Variants in PTPRA observed in about 807,000 individuals in gnomAD.
The protein encoded by PTPRA is protein tyrosine phosphatase receptor type A, also known as receptor-type tyrosine-protein phosphatase alpha.
PTPRA carries 25 observed loss-of-function variants against 104.8 expected under a neutral mutation model. The ratio of observed to expected loss-of-function variants is 0.24; its 90% CI spans 0.17 to 0.33. The LOEUF is 0.33. Ranked by LOEUF, PTPRA falls within the 10% of genes least tolerant of loss-of-function variation. The pLI, the probability that PTPRA is intolerant of heterozygous loss-of-function variation, is 1.00. For missense variants in PTPRA, 765 were observed against 1,015.3 expected (o/e 0.75, Z 3.35); for synonymous variants, 323 against 368.9 (o/e 0.88, Z 1.43).
chr20:3,018,765 C>T (rs1466684569), intron 13 of PTPRA, among the ~76,000 whole-genome samples: 1 of 144,770 alleles, frequency 6.9e-6, no homozygotes, highest in African/African-American at 2.8e-5. Flanking sequence ...GGGTGGTGGC[C>T]GGGCAGAGGG....
rs1444605045 is a variant in PTPRA at position 3,022,480 on chromosome 20, A to G, written c.1329-209A>G. 6.6e-6 allele frequency among the ~76,000 whole-genome samples: 1 copy of G among 152,202 alleles called. No individual in the cohort carries two copies. Among genetic ancestry groups the G allele is most frequent in the East Asian group, 1.9e-4 (1 of 5,198 alleles). ...CAAAAGACTGGGTCAAGTGCTGGCC[A>G]TGTATTTTTGCAGCCTTCGGACCCT... On this transcript the variant is annotated intron_variant, in intron 15 of 23. Coordinates refer to ENST00000399903, the MANE Select transcript of PTPRA (RefSeq NM_001385305.1). This position sits in a 1 kb window ranked among gnomAD's most constrained non-coding sequence, Gnocchi z 4.6.
chr20:3,027,239 G>A lies in PTPRA; in HGVS notation c.1785+42G>A, dbSNP rs185018035. ...ACCCCTGAGCCCCCAACACCCCGTG[G>A]AGATTCAGCCAGCACTTGCAGTGCC... On this transcript the variant is annotated intron_variant, in intron 19 of 23. Transcript: ENST00000399903. 866 of 1,583,214 alleles carry A rather than the reference G, an allele frequency of 5.5e-4. 4 individuals carry two copies. The African/African-American group carries it at 9.7e-3, about 18-fold the overall frequency.
chr20:3,025,612 G>A (rs946118567), intron 17 of PTPRA, among the ~76,000 whole-genome samples: 1 of 152,002 alleles, frequency 6.6e-6, no homozygotes, highest in South Asian at 2.1e-4. Flanking sequence ...GCTAATGCCT[G>A]TAATCCCAGC....
chr20:3,000,243 GC>G (rs1049432230), intron 9 of PTPRA, among the ~76,000 whole-genome samples: 56 of 152,212 alleles, frequency 3.7e-4, no homozygotes, highest in African/African-American at 1.1e-3. Flanking sequence ...AGCCAAGATT[GC>G]GCCACTGCAC....
At chr20:2,970,103 G>C (rs1331071562) in intron 5 of PTPRA, among the ~76,000 whole-genome samples, 1 of 151,794 alleles carries the variant, frequency 6.6e-6, no homozygotes, top group Non-Finnish European at 1.5e-5. Flanking sequence ...TATCATACTT[G>C]CTCTTTGTTT....
At chr20:3,015,324 A>T (rs1483346790) in intron 11 of PTPRA, among the ~76,000 whole-genome samples, 6 of 124,588 alleles carry the variant, frequency 4.8e-5, no homozygotes, top group Admixed American at 3.9e-4. Context: ...TTTTTTGGAG[A>T]TGGAGTCTTG....
At chr20:2,931,226 G>C (rs2060492030) in intron 2 of PTPRA, among the ~76,000 whole-genome samples, 1 of 152,126 alleles carries the variant, frequency 6.6e-6, no homozygotes, top group South Asian at 2.1e-4. Flanking sequence ...TGTAACACTG[G>C]GTGTGAGGTG....
At chr20:2,878,841 T>C (rs1480912303) in intron 1 of PTPRA, among the ~76,000 whole-genome samples, 2 of 152,248 alleles carry the variant, frequency 1.3e-5, no homozygotes, top group Non-Finnish European at 2.9e-5. Context: ...CTGATTTAGA[T>C]TTTTTGAAAG....
intron 1 of PTPRA, among the ~76,000 whole-genome samples, chr20:2,894,608 A>ATT (rs11479678): frequency 9.5e-5 from 14 of 148,026 alleles, no homozygotes; most frequent in Admixed American, 2.0e-4. Flanking sequence ...GTGCTGGCCA[A>ATT]TTTTTTTTTT....
chr20:3,006,995 T>G (rs1003979273), intron 10 of PTPRA, among the ~76,000 whole-genome samples: 9 of 152,194 alleles, frequency 5.9e-5, no homozygotes, highest in Admixed American at 5.9e-4. Context: ...GGTGTGGGTA[T>G]GTGTATATAT....
chr20:2,989,215 A>C (rs2063038848), intron 9 of PTPRA, among the ~76,000 whole-genome samples: 1 of 152,126 alleles, frequency 6.6e-6, no homozygotes, highest in Non-Finnish European at 1.5e-5. Flanking sequence ...CGGGCACATC[A>C]CGAGGTCAAG....
chr20:2,973,429 C>T (rs754123885), intron 5 of PTPRA, among the ~76,000 whole-genome samples: 3 of 152,128 alleles, frequency 2.0e-5, no homozygotes, highest in Non-Finnish European at 4.4e-5. Flanking sequence ...TATTAGGATG[C>T]GCTATAAGCT....
At chr20:2,912,418 G>A (rs1228166251) in intron 1 of PTPRA, among the ~76,000 whole-genome samples, 1 of 152,118 alleles carries the variant, frequency 6.6e-6, no homozygotes, top group African/African-American at 2.4e-5. Context: ...GAGCTCAGGA[G>A]TTCAAGACCA....
At chr20:2,932,491 A>C (rs778671556) in intron 2 of PTPRA, among the ~76,000 whole-genome samples, 3 of 152,210 alleles carry the variant, frequency 2.0e-5, no homozygotes, top group Non-Finnish European at 4.4e-5. Flanking sequence ...AAAGTACCAG[A>C]AGGAAATGCA....
intron 2 of PTPRA, among the ~76,000 whole-genome samples, chr20:2,940,109 T>C (rs2060854448): frequency 6.6e-6 from 1 of 152,138 alleles, no homozygotes; most frequent in Non-Finnish European, 1.5e-5. Context: ...AAACTCCATC[T>C]CAAACAAAAA....
chr20:2,985,894 TG>T (rs1318001457), intron 6 of PTPRA, among the ~76,000 whole-genome samples: 35 of 150,266 alleles, frequency 2.3e-4, no homozygotes, highest in Non-Finnish European at 5.0e-4. Context: ...CTTGTTTGTT[TG>T]TTTGTTTGTT....
chr20:2,969,998 C>T (rs772818728), intron 5 of PTPRA, among the ~76,000 whole-genome samples: 51 of 74,406 alleles, frequency 6.9e-4, no homozygotes, highest in Non-Finnish European at 1.2e-3. Context: ...ATAAATAACT[C>T]CTTTTACAAA....
chr20:3,015,891 G>A lies in PTPRA; in HGVS notation c.943+6G>A, dbSNP rs1281526758. The stretch of plus-strand genomic sequence containing the variant: ...CAAATTCATTGCTGCACAAGGTAAA[G>A]TAATGACAACTTTTTTCTGTTAGAT... On this transcript the variant is annotated splice_donor_region_variant and intron_variant, in intron 12 of 23. Coordinates refer to ENST00000399903, the MANE Select transcript of PTPRA (RefSeq NM_001385305.1). 6.4e-7 allele frequency: 1 copy of A among 1,560,424 alleles called. No homozygotes were observed. Among genetic ancestry groups the A allele is most frequent in the Non-Finnish European group, 8.8e-7 (1 of 1,131,676 alleles).
intron 20 of PTPRA, among the ~76,000 whole-genome samples, chr20:3,034,235 C>G (rs1183639302): frequency 6.6e-6 from 1 of 152,008 alleles, no homozygotes; most frequent in Admixed American, 6.6e-5. Context: ...CATGCCACTG[C>G]ACTCCAGCCT....
Sources: allele counts gnomAD v4.1 joint callset (sites outside exome capture counted in the v4.1 genomes callset), GRCh38; gene constraint gnomAD v4.1.1; non-coding constraint Gnocchi (gnomAD v3.1); transcripts MANE v1.5; gene names NCBI Gene and HGNC (gene_info 2026-07-23, HGNC 2026-07-21).